The following ELFN1 variants were observed in gnomAD, a reference collection of about 807,000 sequenced individuals.
ELFN1 encodes extracellular leucine rich repeat and fibronectin type III domain containing 1.
ELFN1 carries 6 observed loss-of-function variants against 7.6 expected under a neutral mutation model. The ratio of observed to expected loss-of-function variants is 0.79; its 90% confidence interval spans 0.43 to 1.56. The LOEUF (loss-of-function observed/expected upper bound fraction) is 1.56, where lower values mean the gene tolerates loss of function less well. Among genes scored for constraint, ELFN1 ranks in the 40% most tolerant of loss-of-function variants. The pLI, the probability that ELFN1 is intolerant of heterozygous loss-of-function variation, is 0.01. For missense variants in ELFN1, 1,169 were observed against 1,232.2 expected (o/e 0.95, Z 0.77); for synonymous variants, 657 against 588.1 (o/e 1.12, Z -1.70).
At chr7:1,706,296 G>A (rs1377117221) in intron 2 of ELFN1, among the ~76,000 whole-genome samples, 3 of 152,168 alleles carry the variant, frequency 2.0e-5, no homozygotes, top group Non-Finnish European at 4.4e-5. Context: ...GGTGGTGGGT[G>A]CCTGTGATCC....
chr7:1,683,950 A>G (rs1375010113), intron 1 of ELFN1, among the ~76,000 whole-genome samples: 1 of 152,116 alleles, frequency 6.6e-6, no homozygotes, highest in Non-Finnish European at 1.5e-5. Context: ...GGAGTTTGAG[A>G]CCACCCTGGG....
At chr7:1,693,098 C>T (rs945176007) in intron 2 of ELFN1, 8 of 332,332 alleles carry the variant, frequency 2.4e-5, no homozygotes, top group Non-Finnish European at 4.8e-5. Context: ...CTGGCCCGTC[C>T]TTCACCCTCC....
intron 3 of ELFN1, among the ~76,000 whole-genome samples, chr7:1,738,207 G>A (rs1183744614): frequency 6.6e-6 from 1 of 152,216 alleles, no homozygotes; most frequent in East Asian, 1.9e-4. Context: ...GGCGTGGCCT[G>A]TGGTGCTCTT....
chr7:1,678,183 C>T (rs1405018207), intron 1 of ELFN1, among the ~76,000 whole-genome samples: 3 of 152,244 alleles, frequency 2.0e-5, no homozygotes, highest in Admixed American at 6.5e-5. Flanking sequence ...TGTGTGCCAC[C>T]GTGCTCCCAC....
chr7:1,696,052 C>G (rs145319884), intron 2 of ELFN1, among the ~76,000 whole-genome samples: 142 of 152,296 alleles, frequency 9.3e-4, no homozygotes, highest in African/African-American at 3.3e-3. Context: ...CACATTGTCT[C>G]CCCGCCCTGA....
chr7:1,686,819 A>G (rs1204660063), intron 1 of ELFN1, among the ~76,000 whole-genome samples: 1 of 152,184 alleles, frequency 6.6e-6, no homozygotes, highest in South Asian at 2.1e-4. Flanking sequence ...CACTGGGCAC[A>G]TGTGGAAGGC....
chr7:1,706,240 T>C (rs528302979), intron 2 of ELFN1, among the ~76,000 whole-genome samples: 3 of 152,292 alleles, frequency 2.0e-5, no homozygotes, highest in Admixed American at 2.0e-4. Flanking sequence ...CTGGCCAAGA[T>C]GGTGAAACCT....
chr7:1,680,962 G>A (rs1277599832), intron 1 of ELFN1, among the ~76,000 whole-genome samples: 2 of 151,814 alleles, frequency 1.3e-5, no homozygotes, highest in East Asian at 1.9e-4. Flanking sequence ...GGCTGGTCTC[G>A]AACTCCTGAC....
intron 3 of ELFN1, among the ~76,000 whole-genome samples, chr7:1,716,925 C>A (rs1455057734): frequency 6.6e-6 from 1 of 152,078 alleles, no homozygotes; most frequent in Non-Finnish European, 1.5e-5. Flanking sequence ...CGGCATGGGG[C>A]ATGGGAGCCA....
At chr7:1,728,553 G>A (rs887778035) in intron 3 of ELFN1, among the ~76,000 whole-genome samples, 1 of 152,158 alleles carries the variant, frequency 6.6e-6, no homozygotes, top group Non-Finnish European at 1.5e-5. Context: ...CCCCTGGTTC[G>A]GAGGCACCTC....
chr7:1,666,366 G>T (rs1278580753), upstream of ELFN1, among the ~76,000 whole-genome samples: 2 of 151,980 alleles, frequency 1.3e-5, no homozygotes, highest in East Asian at 3.9e-4. The surrounding 1 kb of genome is among the most constrained non-coding windows in gnomAD (Gnocchi z 7.9). Context: ...CCTGACCTCG[G>T]CGTCCGCGCC....
At chr7:1,690,009 A>G (rs1919909) in intron 2 of ELFN1, among the ~76,000 whole-genome samples, 6,895 of 152,252 alleles carry the variant, frequency 0.045, 442 homozygotes, top group African/African-American at 0.14. Context: ...CTAGCACACA[A>G]CTGGCACATT....
In ELFN1 at chr7:1,745,922, G is replaced by A. The variant is rs1202158080; in HGVS notation, c.1326G>A (p.Arg442=). 2 of 1,569,234 alleles carry A rather than the reference G, an allele frequency of 1.3e-6. No individual in the cohort carries two copies. Among genetic ancestry groups the A allele is most frequent in the African/African-American group, 1.4e-5 (1 of 73,664 alleles). ...GCGCCGTCTACTACTGCCTGCGCAG[G>A]CGGCGGCGCCAGGAGGAGAAGCACA... is the stretch of plus-strand genomic sequence containing the variant. ...VLGAVYYCLR[R]RRRQEEKHKK... The change falls in exon 4 of 4, where the codon AGG becomes AGA. Residue 442 remains arginine (R), a synonymous_variant. Coordinates refer to ENST00000424383, the MANE Select transcript of ELFN1 (RefSeq NM_001128636.4).
intron 1 of ELFN1, among the ~76,000 whole-genome samples, chr7:1,672,894 G>A (rs1390456437): frequency 6.6e-6 from 1 of 152,082 alleles, no homozygotes; most frequent in Non-Finnish European, 1.5e-5. Flanking sequence ...AGATGCCCGG[G>A]TGGGTGGTGC....
intron 1 of ELFN1, among the ~76,000 whole-genome samples, chr7:1,686,106 T>G (rs1027077816): frequency 1.8e-4 from 28 of 151,456 alleles, no homozygotes; most frequent in African/African-American, 5.8e-4. Flanking sequence ...TCATTGGATG[T>G]CTTGTAAGTT....
chr7:1,719,178 CCCACCAACAGGACCCAAG>C (rs1203216383), intron 3 of ELFN1, among the ~76,000 whole-genome samples: 2 of 139,652 alleles, frequency 1.4e-5, no homozygotes, highest in South Asian at 2.2e-4. Flanking sequence ...CAGGGCCCCG[CCCACCAACAGGACCCAAG>C]CCACCAACAG....
intron 3 of ELFN1, among the ~76,000 whole-genome samples, chr7:1,711,002 C>T (rs748759270): frequency 1.9e-4 from 29 of 152,200 alleles, no homozygotes; most frequent in Non-Finnish European, 3.5e-4. Context: ...CCTGGAGTTC[C>T]CTGCGGCACA....
intron 1 of ELFN1, among the ~76,000 whole-genome samples, chr7:1,679,970 C>T (rs1042616575): frequency 5.3e-5 from 8 of 152,218 alleles, no homozygotes; most frequent in South Asian, 2.1e-4. Context: ...GAAGGGGGCG[C>T]GTGTGCCCCT....
chr7:1,704,546 A>G (rs1044308727), intron 2 of ELFN1, among the ~76,000 whole-genome samples: 15 of 151,636 alleles, frequency 9.9e-5, no homozygotes, highest in Non-Finnish European at 2.2e-4. Context: ...CTGGGTCTCG[A>G]CTCCTCCCCA....
Sources: allele counts gnomAD v4.1 joint callset (sites outside exome capture counted in the v4.1 genomes callset), GRCh38; gene constraint gnomAD v4.1.1; non-coding constraint Gnocchi (gnomAD v3.1); transcripts MANE v1.5; gene names NCBI Gene and HGNC (gene_info 2026-07-23, HGNC 2026-07-21).